Variants in ADAMTS3 observed in about 807,000 individuals in gnomAD.
ADAMTS3 encodes A disintegrin and metalloproteinase with thrombospondin motifs 3.
Under a neutral mutation model 129.0 loss-of-function variants are expected in ADAMTS3, and 73 were observed. That is an observed-to-expected ratio of 0.57 (90% CI 0.47 to 0.69). ADAMTS3 has a LOEUF of 0.69. Among genes scored for constraint, ADAMTS3 ranks in the 30% least tolerant of loss-of-function variants. The probability of loss-of-function intolerance (pLI) is 0.00; values close to 1 mark genes in which losing one functional copy is unlikely to be tolerated. For missense variants in ADAMTS3, 1,457 were observed against 1,514.5 expected, an observed-to-expected ratio of 0.96 and a Z score of 0.63; for synonymous variants, 477 against 510.8, an observed-to-expected ratio of 0.93 and a Z score of 0.89.
intron 4 of ADAMTS3, among the ~76,000 whole-genome samples, chr4:72,412,701 A>G (rs1722212275): frequency 6.6e-6 from 1 of 152,040 alleles, no homozygotes; most frequent in African/African-American, 2.4e-5. Context: ...AGAGAACTGA[A>G]TGATTCAATT....
intron 3 of ADAMTS3, among the ~76,000 whole-genome samples, chr4:72,470,009 T>C (rs1719021951): frequency 6.6e-6 from 1 of 152,162 alleles, no homozygotes; most frequent in Non-Finnish European, 1.5e-5. Context: ...TTTCACTGCA[T>C]GGGGGTTGGT....
chr4:72,473,684 G>C (rs561244584), intron 3 of ADAMTS3, among the ~76,000 whole-genome samples: 1 of 152,222 alleles, frequency 6.6e-6, no homozygotes, highest in Admixed American at 6.5e-5. Context: ...AAAGCCAAGT[G>C]GGGAGCTGGG....
intron 3 of ADAMTS3, among the ~76,000 whole-genome samples, chr4:72,446,681 C>T (rs375248592): frequency 1.3e-5 from 2 of 151,654 alleles, no homozygotes; most frequent in African/African-American, 2.4e-5. Context: ...TAATATGAGG[C>T]CTTACAAACT....
chr4:72,321,791 T>G (rs116135032), intron 6 of ADAMTS3, among the ~76,000 whole-genome samples: 2,047 of 148,380 alleles, frequency 0.014, 48 homozygotes, highest in African/African-American at 0.046. Flanking sequence ...AAAACTCCCA[T>G]TTTTTTTTTA....
At chr4:72,470,375 A>ATATATATG (rs1327419541) in intron 3 of ADAMTS3, among the ~76,000 whole-genome samples, 5 of 143,190 alleles carry the variant, frequency 3.5e-5, no homozygotes, top group Non-Finnish European at 7.6e-5. Context: ...ATATATATAT[A>ATATATATG]TACACACACA....
intron 5 of ADAMTS3, among the ~76,000 whole-genome samples, chr4:72,326,299 G>T (rs1369733416): frequency 6.6e-6 from 1 of 152,004 alleles, no homozygotes. Flanking sequence ...TTATTATTTT[G>T]ATTTTCAAGG....
chr4:72,317,551 C>G (rs1719431238), intron 10 of ADAMTS3, among the ~76,000 whole-genome samples: 1 of 151,270 alleles, frequency 6.6e-6, no homozygotes, highest in South Asian at 2.1e-4. Flanking sequence ...TAGTTACAGG[C>G]AAGACTGGCT....
chr4:72,401,157 A>G (rs1288588248), intron 4 of ADAMTS3, among the ~76,000 whole-genome samples: 2 of 151,996 alleles, frequency 1.3e-5, no homozygotes, highest in Non-Finnish European at 2.9e-5. Context: ...AATTTAGAAC[A>G]CTTCCATCAT....
intron 4 of ADAMTS3, among the ~76,000 whole-genome samples, chr4:72,351,732 A>C (rs192490998): frequency 7.4e-4 from 113 of 152,088 alleles, no homozygotes; most frequent in Admixed American, 3.1e-3. Context: ...GAGTTCAAAA[A>C]ACTAAAACCT....
intron 3 of ADAMTS3, among the ~76,000 whole-genome samples, chr4:72,492,529 C>A (rs146397235): frequency 6.6e-6 from 1 of 151,612 alleles, no homozygotes; most frequent in Admixed American, 6.6e-5. Context: ...CACTTTCTTG[C>A]TGTTACTAAT....
intron 3 of ADAMTS3, among the ~76,000 whole-genome samples, chr4:72,467,661 C>A (rs2109990252): frequency 6.6e-6 from 1 of 152,180 alleles, no homozygotes; most frequent in Non-Finnish European, 1.5e-5. Context: ...ACTGTTTATT[C>A]TTTAAGTCCA....
At chr4:72,378,888 C>CTTTCAGAT (rs1721205212) in intron 4 of ADAMTS3, among the ~76,000 whole-genome samples, 1 of 152,096 alleles carries the variant, frequency 6.6e-6, no homozygotes, top group Non-Finnish European at 1.5e-5. Flanking sequence ...AACTTTTTCT[C>CTTTCAGAT]TTTCAGATTC....
At chr4:72,408,842 C>A (rs1722115547) in intron 4 of ADAMTS3, among the ~76,000 whole-genome samples, 1 of 151,830 alleles carries the variant, frequency 6.6e-6, no homozygotes, top group Non-Finnish European at 1.5e-5. Flanking sequence ...ATCACAAGAC[C>A]ATAAAACCAA....
intron 3 of ADAMTS3, among the ~76,000 whole-genome samples, chr4:72,496,495 G>T (rs1158316164): frequency 6.6e-6 from 1 of 151,890 alleles, no homozygotes; most frequent in Admixed American, 6.6e-5. Context: ...TTTCCTACTG[G>T]ATATTAATCT....
At position 72,282,904 on chromosome 4, in the gene ADAMTS3, T is replaced by C. The variant is rs1718388546; in HGVS notation, c.*232A>G. On this transcript the variant is annotated 3_prime_UTR_variant, in exon 22 of 22. Coordinates refer to ENST00000286657, the MANE Select transcript of ADAMTS3 (RefSeq NM_014243.3). The stretch of plus-strand genomic sequence containing the variant: ...ACAATCTTAGCAACATATTTTTCTT[T>C]TGTAATAATCTTTGGTGATTTCTTC... 1 of 389,216 alleles carries C rather than the reference T, an allele frequency of 2.6e-6. No homozygotes were observed. The highest frequency in any genetic ancestry group is 4.2e-5 in the Admixed American group (1 of 23,918). The allele number at this position is 389,216 out of a possible 1,614,324, so 24.1% of individuals were successfully genotyped here.
intron 3 of ADAMTS3, among the ~76,000 whole-genome samples, chr4:72,511,225 T>A (rs185023484): frequency 2.4e-4 from 36 of 152,212 alleles, no homozygotes; most frequent in South Asian, 1.7e-3. Context: ...GGACAAAAAA[T>A]TCTTGATCAA....
rs1395536722 is a variant in ADAMTS3, at chr4:72,548,971, A to T, written c.98-87T>A. On this transcript the variant is annotated intron_variant, in intron 2 of 21. Transcript: ENST00000286657. ...CACAGACAAAAGCTGCCCACCTCAC[A>T]AGACCATACTTCAATGTGCATAATA... The T allele has an allele frequency of 4.1e-6, 5 of 1,224,582 alleles. No homozygotes were observed. The Admixed American group carries it at 1.1e-4, about 27-fold the overall frequency. 75.9% of individuals were successfully genotyped at this position (1,224,582 alleles called of 1,614,324 possible). A position where few individuals can be genotyped will look rare whatever the true frequency, so the allele number is the denominator to read the frequency against.
chr4:72,306,041 G>T lies in ADAMTS3; in HGVS notation c.2206C>A (p.Pro736Thr), dbSNP rs199518563. Reference sequence around the variant, plus strand: ...TGGATTAACACATGTCTAGCCCCAGGGGGTATATCAAACATCTTAAGGTAC... The same window carrying T: ...TGGATTAACACATGTCTAGCCCCAGTGGGTATATCAAACATCTTAAGGTAC... ...LGYLKMFDIP[P>T]GARHVLIQED... The change falls in exon 16 of 22, where the codon CCT becomes ACT. Residue 736 changes from proline (P) to threonine (T), a missense_variant. Transcript: ENST00000286657. 1 of 1,608,164 alleles carries T rather than the reference G, an allele frequency of 6.2e-7. No homozygotes were observed. Among genetic ancestry groups the T allele is most frequent in the African/African-American group, 1.3e-5 (1 of 74,396 alleles).
intron 4 of ADAMTS3, among the ~76,000 whole-genome samples, chr4:72,340,071 C>G (rs551554572): frequency 2.6e-3 from 401 of 152,182 alleles, no homozygotes; most frequent in African/African-American, 9.5e-3. Flanking sequence ...ATAAAAATAA[C>G]TCCAGTATGT....
Sources: gnomAD v4.1 joint callset for allele counts (sites outside exome capture counted in the v4.1 genomes callset) on GRCh38, gnomAD v4.1.1 for gene constraint, MANE v1.5 for transcripts, NCBI Gene and HGNC (gene_info 2026-07-23, HGNC 2026-07-21) for gene names.